DDX5: variants seen among roughly 807,000 people sequenced by gnomAD.
DDX5 encodes probable ATP-dependent RNA helicase DDX5.
Under a neutral mutation model 68.6 loss-of-function variants are expected in DDX5, and 6 were observed. The observed-to-expected ratio is 0.09, with a 90% CI of 0.05 to 0.17. The LOEUF (loss-of-function observed/expected upper bound fraction) is 0.17. Ranked by LOEUF, DDX5 falls within the 10% of genes least tolerant of loss-of-function variation. The probability of loss-of-function intolerance (pLI) is 1.00; values close to 1 mark genes in which losing one functional copy is unlikely to be tolerated. For missense variants in DDX5, 499 were observed against 756.1 expected (o/e 0.66, Z 3.99); for synonymous variants, 350 against 247.0 (o/e 1.42, Z -3.91).
chr17:64,502,107 C>G (rs781988854), intron 10 of DDX5, 38 bp from the exon 11 acceptor site: 3 of 1,613,632 alleles, frequency 1.9e-6, no homozygotes, highest in Non-Finnish European at 2.5e-6. Context: ...ATTATCTGAG[C>G]AGAATTCTAG....
chr17:64,505,597 G>A (rs1223739936), intron 1 of DDX5: 3 of 845,260 alleles, frequency 3.5e-6, no homozygotes, highest in East Asian at 5.3e-5. Flanking sequence ...CCGCCGCCAT[G>A]TCCGAGGCCG....
Position 64,499,224 on chromosome 17 carries a change from G to A in DDX5, c.*699C>T, listed in dbSNP as rs1397075165. ...CTCTTGAAAAAGCCAGTTATTTGGA[G>A]CTTTTTAAATTATAAACTTTGAAAA... On this transcript the variant is annotated 3_prime_UTR_variant, in exon 13 of 13. Coordinates refer to ENST00000225792, the MANE Select transcript of DDX5 (RefSeq NM_004396.5). Among the ~76,000 whole-genome samples the A allele has an allele frequency of 6.6e-6, 1 of 152,156 alleles. No homozygotes were observed. The highest frequency in any genetic ancestry group is 2.4e-5 in the African/African-American group (1 of 41,440).
rs1322408132 is a variant in DDX5 at position 64,504,859 on chromosome 17, C to T, written c.45-17G>A. 8 of 1,587,660 alleles carry T rather than the reference C, an allele frequency of 5.0e-6. No individual in the cohort carries two copies. Among genetic ancestry groups the T allele is most frequent in the Admixed American group, 3.8e-5 (2 of 52,116 alleles). Reference sequence around the variant, plus strand: ...GCACCAAACCTGGAATGAAAAAAAACGTTATTCACATTTTCAAATGGCTAT... The same window carrying T: ...GCACCAAACCTGGAATGAAAAAAAATGTTATTCACATTTTCAAATGGCTAT... On this transcript the variant is annotated splice_polypyrimidine_tract_variant and intron_variant, in intron 1 of 12. Transcript: ENST00000225792.
chr17:64,503,881 A>G lies in DDX5; in HGVS notation c.442-13T>C. 2 of 1,614,146 alleles carry G rather than the reference A, an allele frequency of 1.2e-6. No homozygotes were observed. The highest frequency in any genetic ancestry group is 1.7e-5 in the Admixed American group (1 of 60,026). ...CAGGAAGCAAATACTATTTAGGGTG[A>G]AAGTGGGGACAAACAGAAATCACAT... On this transcript the variant is annotated splice_polypyrimidine_tract_variant and intron_variant, in intron 4 of 12. Coordinates refer to ENST00000225792, the MANE Select transcript of DDX5 (RefSeq NM_004396.5).
chr17:64,506,329 G>A (rs1409002059), upstream of DDX5: 15 of 1,470,212 alleles, frequency 1.0e-5, no homozygotes, highest in Non-Finnish European at 1.2e-5. Context: ...AGTCTGGACC[G>A]CCTCCTACGC....
chr17:64,502,821 A>G, intron 8 of DDX5, 105 bp downstream of exon 8: 1 of 1,182,538 alleles, frequency 8.5e-7, no homozygotes, highest in Non-Finnish European at 1.2e-6. Flanking sequence ...AACTAAATGA[A>G]ATCACACCAA....
In DDX5 at chr17:64,498,941, G is replaced by A. The variant is rs1359467257; in HGVS notation, c.*982C>T. On this transcript the variant is annotated 3_prime_UTR_variant, in exon 13 of 13. Coordinates refer to ENST00000225792, the MANE Select transcript of DDX5 (RefSeq NM_004396.5). ...GAGGTTTTTTCCTTGTGTTGAGTAT[G>A]AATAGACCTTACAGTTTGAGGATCT... is the stretch of plus-strand genomic sequence containing the variant. Among the ~76,000 whole-genome samples, 6 of 152,184 alleles carry A rather than the reference G, an allele frequency of 3.9e-5. No individual in the cohort carries two copies. Among genetic ancestry groups the A allele is most frequent in the Non-Finnish European group, 8.8e-5 (6 of 68,038 alleles).
Position 64,499,203 on chromosome 17 carries a change from T to G in DDX5, c.*720A>C, listed in dbSNP as rs1326107308. ...GCCAAGAGCATGAGTATAAGTCTCT[T>G]GAAAAAGCCAGTTATTTGGAGCTTT... On this transcript the variant is annotated 3_prime_UTR_variant, in exon 13 of 13. Transcript: ENST00000225792. 6.6e-6 allele frequency among the ~76,000 whole-genome samples: 1 copy of G among 152,218 alleles called. No individual in the cohort carries two copies. The highest frequency in any genetic ancestry group is 1.5e-5 in the Non-Finnish European group (1 of 68,036).
chr17:64,505,613 T>G (rs2038459154), intron 1 of DDX5: 4 of 969,514 alleles, frequency 4.1e-6, no homozygotes, highest in Admixed American at 2.0e-5. Flanking sequence ...GGCCGGCATT[T>G]TGTACTCGCG....
Position 64,503,539 on chromosome 17 carries a change from G to C in DDX5, c.540C>G (p.Ala180=), listed in dbSNP as rs1598150291. Residue 180 remains alanine, a synonymous_variant, in exon 6 of 13, where the codon GCC becomes GCG. Transcript: ENST00000225792. ...CAGCAGCTACTTGCTGCACCTGTTG[G>C]GCCAGTTCCCGAGTTGGTGCCAGCA... ...CLVLAPTREL[A]QQVQQVAAEY... 1 of 1,614,012 alleles carries C rather than the reference G, an allele frequency of 6.2e-7. No individual in the cohort carries two copies. Among genetic ancestry groups the C allele is most frequent in the Non-Finnish European group, 8.5e-7 (1 of 1,180,032 alleles).
Position 64,506,131 on chromosome 17 carries a change from T to C in DDX5, c.-12A>G, listed in dbSNP as rs199834485. The C allele has an allele frequency of 6.2e-7, 1 of 1,607,958 alleles. No homozygotes were observed. The highest frequency in any genetic ancestry group is 2.2e-5 in the East Asian group (1 of 44,596). On this transcript the variant is annotated 5_prime_UTR_variant, in exon 1 of 13. Coordinates refer to ENST00000225792, the MANE Select transcript of DDX5 (RefSeq NM_004396.5). The stretch of plus-strand genomic sequence containing the variant: ...GAATAACCCGACATGGCGTCAATGG[T>C]TGCGGTTGGCGGGGAACGAAGTATA...
intron 1 of DDX5, chr17:64,505,350 C>T (rs1315756213): frequency 2.4e-6 from 1 of 416,688 alleles, no homozygotes; most frequent in Non-Finnish European, 4.4e-6. Flanking sequence ...CTAGCAAACC[C>T]AGCTGGGGGA....
chr17:64,503,744 T>A, intron 5 of DDX5, 59 bp downstream of exon 5: 1 of 1,564,358 alleles, frequency 6.4e-7, no homozygotes, highest in Non-Finnish European at 8.7e-7. Flanking sequence ...CATCTTTAGC[T>A]ATGTAGTCTA....
intron 4 of DDX5, 35 bp from the exon 5 acceptor site, chr17:64,503,903 A>C (rs2038359888): frequency 6.2e-7 from 1 of 1,613,766 alleles, no homozygotes; most frequent in Non-Finnish European, 8.5e-7. Context: ...AACAGAAATC[A>C]CATTAAAATA....
At chr17:64,502,900 A>G (rs2144261325) in intron 8 of DDX5, 26 bp downstream of exon 8, 1 of 1,546,774 alleles carries the variant, frequency 6.5e-7, no homozygotes, top group East Asian at 2.3e-5. Context: ...TTAGGAAGCA[A>G]ATATAACAGA....
Position 64,500,215 on chromosome 17 carries a change from T to C in DDX5, c.1553A>G (p.Tyr518Cys), listed in dbSNP as rs782242839. ...AAAATCTCTTTTAAGCAGGCTAGAG[T>C]AACCTCTGTCATAATTTTCCCTGTC... ...FRDRENYDRG[Y>C]SSLLKRDFGA... The change falls in exon 13 of 13, where the codon TAC becomes TGC. Residue 518 changes from tyrosine to cysteine, a missense_variant. Tyr to Cys is a radical substitution (Grantham distance 194). Transcript: ENST00000225792. 1 of 1,614,134 alleles carries C rather than the reference T, an allele frequency of 6.2e-7. No individual in the cohort carries two copies. Among genetic ancestry groups the C allele is most frequent in the South Asian group, 1.1e-5 (1 of 91,074 alleles).
At chr17:64,501,911 TA>T (rs2038306173) in intron 11 of DDX5, 98 bp downstream of exon 11, 1 of 1,292,276 alleles carries the variant, frequency 7.7e-7, no homozygotes, top group African/African-American at 1.5e-5. Context: ...AAAAAAAACT[TA>T]GAAAAAATGC....
rs2038263877 is a variant in DDX5, at chr17:64,500,289, A to G, written c.1479T>C (p.Arg493=). The G allele has an allele frequency of 6.2e-7, 1 of 1,613,232 alleles. No individual in the cohort carries two copies. The highest frequency in any genetic ancestry group is 8.5e-7 in the Non-Finnish European group (1 of 1,179,394). The part of the protein sequence containing the change: ...SRGRGGMKDD[R]RDRYSAGKRG... ...TTTTGCCCGCAGAGTATCTGTCCCG[A>G]CGGTCATCCTTCATGCCTCCTCTAC... The change falls in exon 13 of 13, where the codon CGT becomes CGC. Residue 493 remains arginine (R), a synonymous_variant. Coordinates refer to ENST00000225792, the MANE Select transcript of DDX5 (RefSeq NM_004396.5).
rs782401179 is a variant in DDX5 at position 64,502,861 on chromosome 17, A to T, written c.983+65T>A. On this transcript the variant is annotated intron_variant, in intron 8 of 12. Transcript: ENST00000225792. The stretch of plus-strand genomic sequence containing the variant: ...AATAACCTAAAACAACTCACCAAAC[A>T]ATGATCCCTCAATTTTACAGCAAAG... 29 of 1,456,610 alleles carry T rather than the reference A, an allele frequency of 2.0e-5. No individual in the cohort carries two copies. The Admixed American group carries it at 5.1e-4, about 26-fold the overall frequency. The allele number at this position is 1,456,610 out of a possible 1,614,324, so 90.2% of individuals were successfully genotyped here. A position where few individuals can be genotyped will look rare whatever the true frequency, so the allele number is the denominator to read the frequency against.
Sources: gnomAD v4.1 joint callset for allele counts (sites outside exome capture counted in the v4.1 genomes callset) on GRCh38, gnomAD v4.1.1 for gene constraint, MANE v1.5 for transcripts, NCBI Gene and HGNC (gene_info 2026-07-23, HGNC 2026-07-21) for gene names.